The following DOCK3 variants were observed in gnomAD, a reference collection of about 807,000 sequenced individuals.
DOCK3 encodes the protein dedicator of cytokinesis 3.
Under a neutral mutation model 265.6 loss-of-function variants are expected in DOCK3, and 60 were observed. The observed-to-expected ratio is 0.23, with a 90% confidence interval of 0.18 to 0.28. The LOEUF is 0.28. DOCK3 is among the 10% of genes least tolerant of loss of function. The pLI is 1.00. For missense variants in DOCK3, 1,981 were observed against 2,594.3 expected (o/e 0.76, Z 5.14); for synonymous variants, 881 against 938.0 (o/e 0.94, Z 1.11).
intron 9 of DOCK3, among the ~76,000 whole-genome samples, chr3:51,120,962 C>A (rs1205330865): frequency 6.6e-6 from 1 of 152,142 alleles, no homozygotes; most frequent in Non-Finnish European, 1.5e-5. Flanking sequence ...GCTTCCTTTC[C>A]AGGGGAGTGA....
At chr3:51,192,325 G>A (rs528440279) in intron 12 of DOCK3, among the ~76,000 whole-genome samples, 3 of 151,222 alleles carry the variant, frequency 2.0e-5, no homozygotes, top group African/African-American at 4.8e-5. Flanking sequence ...TGAAGAGGAC[G>A]GAACTCTCTC....
chr3:51,039,832 T>G (rs1368530437), intron 5 of DOCK3, among the ~76,000 whole-genome samples: 1 of 151,182 alleles, frequency 6.6e-6, no homozygotes, highest in East Asian at 1.9e-4. Context: ...AAATTCTGAA[T>G]AGAAATGTAA....
chr3:50,810,039 G>A (rs963829421), intron 2 of DOCK3, among the ~76,000 whole-genome samples: 3 of 152,102 alleles, frequency 2.0e-5, no homozygotes, highest in African/African-American at 7.2e-5. Context: ...GGTGGGTAAG[G>A]TGAGAGGATT....
intron 22 of DOCK3, among the ~76,000 whole-genome samples, chr3:51,251,500 G>A (rs148925619): frequency 0.016 from 2,404 of 152,276 alleles, 27 homozygotes; most frequent in South Asian, 0.029. Context: ...GTGTAAAAGC[G>A]TTCCTATTTC....
At chr3:50,710,939 G>A (rs993161992) in intron 1 of DOCK3, among the ~76,000 whole-genome samples, 1 of 152,184 alleles carries the variant, frequency 6.6e-6, no homozygotes, top group Non-Finnish European at 1.5e-5. Flanking sequence ...TCACTTGTAA[G>A]TGGGAGCTAA....
chr3:50,790,760 G>A (rs1191885721), intron 2 of DOCK3, among the ~76,000 whole-genome samples: 3 of 151,810 alleles, frequency 2.0e-5, no homozygotes, highest in Non-Finnish European at 4.4e-5. Context: ...TCTTTCCTTC[G>A]TCTTGACTTT....
intron 31 of DOCK3, among the ~76,000 whole-genome samples, chr3:51,314,368 G>C (rs112947780): frequency 0.013 from 2,044 of 152,282 alleles, 54 homozygotes; most frequent in African/African-American, 0.045. Flanking sequence ...AGGGAGTTCA[G>C]GGTGGGTAAA....
intron 5 of DOCK3, among the ~76,000 whole-genome samples, chr3:50,988,899 C>T (rs1424215611): frequency 6.6e-6 from 1 of 152,188 alleles, no homozygotes; most frequent in Non-Finnish European, 1.5e-5. Flanking sequence ...AACTTGGCAA[C>T]TCCCTGGACA....
At chr3:50,759,519 C>A in intron 1 of DOCK3, among the ~76,000 whole-genome samples, 1 of 152,016 alleles carries the variant, frequency 6.6e-6, no homozygotes, top group Non-Finnish European at 1.5e-5. Flanking sequence ...GCAAAAATGC[C>A]TACTCAAGTC....
chr3:50,701,768 CA>C (rs1412332460), intron 1 of DOCK3, among the ~76,000 whole-genome samples: 3 of 152,160 alleles, frequency 2.0e-5, no homozygotes, highest in Admixed American at 1.3e-4. Context: ...TGTCTAGTTT[CA>C]TTCTTCTACA....
chr3:51,089,386 C>A, intron 8 of DOCK3, 102 bp downstream of exon 8: 5 of 1,385,696 alleles, frequency 3.6e-6, no homozygotes, highest in Non-Finnish European at 4.0e-6. Context: ...CCACTGACTT[C>A]TTGACTGTGT....
intron 5 of DOCK3, among the ~76,000 whole-genome samples, chr3:50,973,049 C>CTTTTTTGTTTTTTTTTTTTT (rs2077292740): frequency 5.3e-5 from 1 of 19,012 alleles, no homozygotes; most frequent in Non-Finnish European, 8.6e-5. Flanking sequence ...CAGTGTGTTT[C>CTTTTTTGTTTTTTTTTTTTT]TTTTTTTTTT....
chr3:51,088,318 G>C (rs557036673), intron 7 of DOCK3, among the ~76,000 whole-genome samples: 5 of 152,204 alleles, frequency 3.3e-5, no homozygotes, highest in Non-Finnish European at 7.3e-5. Context: ...CAAACATCTA[G>C]TTAGAAGGAA....
At chr3:50,787,317 C>G in intron 2 of DOCK3, 1 of 423,858 alleles carries the variant, frequency 2.4e-6, no homozygotes, top group East Asian at 5.4e-5. Flanking sequence ...GGGCTGATCA[C>G]CTGAGGTCAG....
chr3:50,975,582 G>A (rs2077415425), intron 5 of DOCK3, among the ~76,000 whole-genome samples: 1 of 150,346 alleles, frequency 6.7e-6, no homozygotes, highest in Non-Finnish European at 1.5e-5. Context: ...TGTTCATCAA[G>A]GATATTGGCC....
intron 3 of DOCK3, among the ~76,000 whole-genome samples, chr3:50,849,114 A>T (rs2046233777): frequency 6.6e-6 from 1 of 152,036 alleles, no homozygotes; most frequent in South Asian, 2.1e-4. Flanking sequence ...GGTTTACTGC[A>T]GCTTTGACCT....
chr3:50,975,042 T>C lies in DOCK3; in HGVS notation c.315+40965T>C, dbSNP rs1297150611. ...TTATCAGCTTAAGGAGATTTTGGGC[T>C]GAGACAGTGGGATTTTCTAGATATA... On this transcript the variant is annotated intron_variant, in intron 5 of 52. Coordinates refer to ENST00000266037, the MANE Select transcript of DOCK3 (RefSeq NM_004947.5). 1.3e-5 allele frequency among the ~76,000 whole-genome samples: 2 copies of C among 151,854 alleles called. 1 individual carries two copies. Among genetic ancestry groups the C allele is most frequent in the Middle Eastern group, 6.8e-3 (2 of 294 alleles).
At chr3:50,742,255 G>A (rs926123337) in intron 1 of DOCK3, among the ~76,000 whole-genome samples, 19 of 152,236 alleles carry the variant, frequency 1.2e-4, no homozygotes, top group Middle Eastern at 6.8e-3. Context: ...AAAAAACAGA[G>A]CAGAAAAACT....
In DOCK3 at chr3:51,053,078, GATATATATATATATATATAT is replaced by G. The variant is rs59382660; in HGVS notation, c.316-11345_316-11326del. 5.0e-3 allele frequency among the ~76,000 whole-genome samples: 219 copies of G among 43,824 alleles called. 6 individuals carry two copies. The highest frequency in any genetic ancestry group is 0.014 in the East Asian group (4 of 296). The allele number at this position is 43,824 out of a possible 152,430, so 28.8% of individuals were successfully genotyped here. ...AGTTTCATCTTTTAAAAAAGTCAAAGATATATATATATATATATATATATATATATATATATATATATATG... is the reference window on the plus strand; with the variant it reads ...AGTTTCATCTTTTAAAAAAGTCAAAGATATATATATATATATATATATATG... On this transcript the variant is annotated intron_variant, in intron 5 of 52. Transcript: ENST00000266037.
Sources: allele counts gnomAD v4.1 joint callset (sites outside exome capture counted in the v4.1 genomes callset), GRCh38; gene constraint gnomAD v4.1.1; transcripts MANE v1.5; gene names NCBI Gene and HGNC (gene_info 2026-07-23, HGNC 2026-07-21).